GPR137B: variants seen among roughly 807,000 people sequenced by gnomAD.
The protein encoded by GPR137B is G protein-coupled receptor 137B, also known as integral membrane protein GPR137B.
In GPR137B, 42 loss-of-function variants were observed where a neutral mutation model predicts 42.5. The ratio of observed to expected loss-of-function variants is 0.99; its 90% CI spans 0.77 to 1.28. The LOEUF (loss-of-function observed/expected upper bound fraction) is 1.28. Among genes scored for constraint, GPR137B ranks in the 50% most tolerant of loss-of-function variants. The pLI, the probability that GPR137B is intolerant of heterozygous loss-of-function variation, is 0.00. For missense variants in GPR137B, 487 were observed against 493.9 expected, an observed-to-expected ratio of 0.99 and a Z score of 0.13; for synonymous variants, 218 against 209.7, an observed-to-expected ratio of 1.04 and a Z score of -0.34.
At chr1:236,196,442 G>T (rs1393658837) in intron 5 of GPR137B, among the ~76,000 whole-genome samples, 1 of 152,044 alleles carries the variant, frequency 6.6e-6, no homozygotes, top group African/African-American at 2.4e-5. Flanking sequence ...GCGTGGCCAA[G>T]AATTAATATT....
intron 3 of GPR137B, among the ~76,000 whole-genome samples, chr1:236,179,200 A>G (rs1331649285): frequency 6.6e-6 from 1 of 152,134 alleles, no homozygotes; most frequent in Non-Finnish European, 1.5e-5. Context: ...ACAAGCTAAC[A>G]AAGCACTACT....
chr1:236,174,995 A>C (rs1225429812), intron 2 of GPR137B, among the ~76,000 whole-genome samples: 1 of 152,152 alleles, frequency 6.6e-6, no homozygotes, highest in Non-Finnish European at 1.5e-5. Flanking sequence ...GTCATACAAA[A>C]GTCATGATTG....
rs1031955434 is a variant in GPR137B at position 236,156,416 on chromosome 1, C to A, written c.415-12290C>A. Among the ~76,000 whole-genome samples, 10 of 152,224 alleles carry A rather than the reference C, an allele frequency of 6.6e-5. No individual in the cohort carries two copies. Among genetic ancestry groups the A allele is most frequent in the Admixed American group, 6.5e-4 (10 of 15,282 alleles). ...CAGCGTGCTTGCTTGCCTTTTCTGGCCAGTTACCTTCACTGCCACGGACAC... is the reference window on the plus strand; with the variant it reads ...CAGCGTGCTTGCTTGCCTTTTCTGGACAGTTACCTTCACTGCCACGGACAC... On this transcript the variant is annotated intron_variant, in intron 1 of 6. Transcript: ENST00000366592. This position sits in a 1 kb window ranked among gnomAD's most constrained non-coding sequence, Gnocchi z 4.8.
chr1:236,174,027 T>C (rs1233389492), intron 2 of GPR137B, among the ~76,000 whole-genome samples: 1 of 152,178 alleles, frequency 6.6e-6, no homozygotes, highest in Non-Finnish European at 1.5e-5. Context: ...CCTCCCAGCA[T>C]AAACCCCCCT....
chr1:236,182,226 G>T (rs1571992639), intron 4 of GPR137B, among the ~76,000 whole-genome samples: 1 of 152,058 alleles, frequency 6.6e-6, no homozygotes, highest in East Asian at 1.9e-4. Flanking sequence ...CAGTTCACTG[G>T]TATTAAGTAC....
chr1:236,180,114 A>G (rs1166070211), intron 4 of GPR137B, 86 bp downstream of exon 4: 1 of 1,058,532 alleles, frequency 9.4e-7, no homozygotes, highest in Non-Finnish European at 1.5e-6. Flanking sequence ...AGAAAATACC[A>G]AAATCTGGAT....
chr1:236,149,875 C>T (rs1010551568), intron 1 of GPR137B, among the ~76,000 whole-genome samples: 3 of 152,172 alleles, frequency 2.0e-5, no homozygotes, highest in African/African-American at 7.2e-5. Context: ...TGCATGTGTG[C>T]CTGTGTGCAC....
intron 4 of GPR137B, among the ~76,000 whole-genome samples, chr1:236,180,868 C>T (rs1251065318): frequency 2.0e-5 from 3 of 152,092 alleles, no homozygotes; most frequent in Admixed American, 6.5e-5. Context: ...CCACCTGCCT[C>T]GGCCTCCCAC....
chr1:236,164,871 T>C (rs1318017509), intron 1 of GPR137B, among the ~76,000 whole-genome samples: 3 of 148,928 alleles, frequency 2.0e-5, no homozygotes, highest in Non-Finnish European at 4.4e-5. Context: ...GCTTGAATAG[T>C]GCCCAGATGA....
At chr1:236,178,790 T>TTTTTTTTG (rs1558488562) in intron 3 of GPR137B, among the ~76,000 whole-genome samples, 154 bp downstream of exon 3, 1 of 62,320 alleles carries the variant, frequency 1.6e-5, no homozygotes, top group African/African-American at 7.2e-5. Flanking sequence ...TCGAGGTTTT[T>TTTTTTTTG]TTTTTTTTTT....
chr1:236,188,222 G>T (rs1663088812), intron 5 of GPR137B, among the ~76,000 whole-genome samples: 1 of 152,164 alleles, frequency 6.6e-6, no homozygotes, highest in South Asian at 2.1e-4. Context: ...GAGATTTTGG[G>T]CTGAGACAGT....
At chr1:236,159,858 G>A (rs1240891090) in intron 1 of GPR137B, among the ~76,000 whole-genome samples, 6 of 152,244 alleles carry the variant, frequency 3.9e-5, no homozygotes, top group Non-Finnish European at 1.5e-5. Flanking sequence ...CCACAGGTCC[G>A]GGATGAGGAG....
chr1:236,197,044 G>A (rs1663360371), intron 5 of GPR137B, among the ~76,000 whole-genome samples: 1 of 152,108 alleles, frequency 6.6e-6, no homozygotes, highest in Non-Finnish European at 1.5e-5. Flanking sequence ...GCCAACATCT[G>A]TTATTTTTTT....
At chr1:236,175,729 C>A (rs1662667200) in intron 2 of GPR137B, among the ~76,000 whole-genome samples, 1 of 152,100 alleles carries the variant, frequency 6.6e-6, no homozygotes, top group African/African-American at 2.4e-5. Context: ...TCCCTGTAAG[C>A]CAGGGGCTGC....
intron 2 of GPR137B, among the ~76,000 whole-genome samples, chr1:236,174,399 G>A (rs1571984507): frequency 1.3e-5 from 2 of 152,288 alleles, no homozygotes; most frequent in African/African-American, 4.8e-5. Flanking sequence ...TGATGAGCAC[G>A]TAGCCTGTCC....
At chr1:236,188,041 T>A (rs1663085190) in intron 5 of GPR137B, among the ~76,000 whole-genome samples, 1 of 152,212 alleles carries the variant, frequency 6.6e-6, no homozygotes, top group South Asian at 2.1e-4. Context: ...GGAGAGGTCC[T>A]TCATATCCCT....
intron 4 of GPR137B, among the ~76,000 whole-genome samples, chr1:236,183,169 T>C (rs1662931390): frequency 6.6e-6 from 1 of 152,192 alleles, no homozygotes; most frequent in Non-Finnish European, 1.5e-5. Flanking sequence ...CTGGGCCTCA[T>C]ACCAAACACC....
chr1:236,178,704 A>C, intron 3 of GPR137B, 68 bp downstream of exon 3: 1 of 1,022,022 alleles, frequency 9.8e-7, no homozygotes, highest in Non-Finnish European at 1.5e-6. Context: ...TGGTTTGCAA[A>C]AGTACATTTT....
At chr1:236,144,295 G>A (rs1008002476) in intron 1 of GPR137B, among the ~76,000 whole-genome samples, 2 of 152,056 alleles carry the variant, frequency 1.3e-5, no homozygotes, top group Admixed American at 1.3e-4. Flanking sequence ...CCCGCCTGTA[G>A]TTCCAGCTAC....
Sources: gnomAD v4.1 joint callset for allele counts (sites outside exome capture counted in the v4.1 genomes callset) on GRCh38, gnomAD v4.1.1 for gene constraint, Gnocchi (gnomAD v3.1) non-coding constraint, MANE v1.5 for transcripts, NCBI Gene and HGNC (gene_info 2026-07-23, HGNC 2026-07-21) for gene names.